S100A13: variants seen among roughly 807,000 people sequenced by gnomAD.
S100A13 encodes protein S100-A13.
Under a neutral mutation model 8.2 loss-of-function variants are expected in S100A13, and 6 were observed. That is an observed-to-expected ratio of 0.73 (90% CI 0.40 to 1.44). The LOEUF (loss-of-function observed/expected upper bound fraction) is 1.44, where lower values mean the gene tolerates loss of function less well. S100A13 is among the 40% of genes most tolerant of loss of function. The pLI is 0.02. For synonymous variants in S100A13, 39 were observed against 45.9 expected (o/e 0.85, Z 0.61); for missense variants, 114 against 113.6 (o/e 1.00, Z -0.02).
chr1:153,630,121 G>A (rs529415179), upstream of S100A13: 1 of 302,246 alleles, frequency 3.3e-6, no homozygotes, highest in African/African-American at 2.1e-5. Flanking sequence ...AAGGTCCAGG[G>A]TAAAAATAGA....
At chr1:153,621,787 G>A (rs1298164446) in intron 2 of S100A13, among the ~76,000 whole-genome samples, 2 of 151,286 alleles carry the variant, frequency 1.3e-5, no homozygotes, top group South Asian at 2.1e-4. Flanking sequence ...GAACCCAAGA[G>A]GTGGAGGTTG....
At chr1:153,630,686 G>C (rs543796518), upstream of S100A13, 10 of 1,612,238 alleles carry the variant, frequency 6.2e-6, no homozygotes, top group African/African-American at 1.2e-4. Context: ...GGTGGAGTGG[G>C]AGTGGAGTGG....
intron 2 of S100A13, among the ~76,000 whole-genome samples, chr1:153,620,450 G>A (rs1195791377): frequency 1.0e-4 from 14 of 135,376 alleles, no homozygotes; most frequent in Non-Finnish European, 1.9e-4. Flanking sequence ...GACAGAGTGA[G>A]ACTATCTAAA....
intron 2 of S100A13, among the ~76,000 whole-genome samples, chr1:153,620,399 T>A (rs146960860): frequency 9.7e-4 from 145 of 149,936 alleles, no homozygotes; most frequent in African/African-American, 3.3e-3. Flanking sequence ...AGGCAGAGGC[T>A]GTAGTGAGCC....
upstream of S100A13, among the ~76,000 whole-genome samples, chr1:153,632,565 T>C (rs1472357054): frequency 6.6e-6 from 1 of 152,072 alleles, no homozygotes; most frequent in East Asian, 1.9e-4. Flanking sequence ...GCCACCGCGC[T>C]AGGCCGAAAG....
At chr1:153,623,299 C>T (rs946190081) in intron 2 of S100A13, among the ~76,000 whole-genome samples, 4 of 151,734 alleles carry the variant, frequency 2.6e-5, no homozygotes, top group South Asian at 2.1e-4. Flanking sequence ...GCCTTAGGGG[C>T]AGTGACGTAT....
intron 2 of S100A13, 114 bp from the exon 3 acceptor site, chr1:153,619,152 G>T: frequency 1.1e-6 from 1 of 936,606 alleles, no homozygotes; most frequent in African/African-American, 1.6e-5. Context: ...GAGAGCAGTG[G>T]CACCTGCCCC....
At chr1:153,621,807 G>A (rs1459695261) in intron 2 of S100A13, among the ~76,000 whole-genome samples, 4 of 151,132 alleles carry the variant, frequency 2.6e-5, no homozygotes, top group Non-Finnish European at 5.9e-5. Context: ...GCAGTGAGCC[G>A]AGATCACACC....
At chr1:153,625,989 G>A (rs1213284342) in intron 2 of S100A13, among the ~76,000 whole-genome samples, 3 of 152,164 alleles carry the variant, frequency 2.0e-5, no homozygotes, top group African/African-American at 7.2e-5. Context: ...CCAACCTGGT[G>A]AAACCCTGTC....
chr1:153,631,529 G>A (rs746374233), upstream of S100A13: 1 of 1,613,756 alleles, frequency 6.2e-7, no homozygotes, highest in Non-Finnish European at 8.5e-7. Flanking sequence ...AGCTTATGCT[G>A]TAGGCAACAG....
chr1:153,619,132 C>T, intron 2 of S100A13, 94 bp from the exon 3 acceptor site: 1 of 1,190,176 alleles, frequency 8.4e-7, no homozygotes, highest in African/African-American at 1.5e-5. Flanking sequence ...CTCTCAAGGC[C>T]CTTCCCTCAG....
chr1:153,633,894 A>T (rs974094329), upstream of S100A13: 1 of 151,888 alleles, frequency 6.6e-6, no homozygotes, highest in African/African-American at 2.4e-5. Flanking sequence ...ACCATTGGCC[A>T]CGCCCCTAGG....
At chr1:153,631,546 T>A (rs1668008561), upstream of S100A13, 5 of 1,613,930 alleles carry the variant, frequency 3.1e-6, no homozygotes, top group Non-Finnish European at 4.2e-6. Context: ...ACAGAAGCCC[T>A]CAAGACCTTT....
chr1:153,619,053 A>C lies in S100A13; in HGVS notation c.154-15T>G, dbSNP rs1222815582. ...GAGCCCACATCCTGAGGAGACACCAAAGGGAAGGGTAGAGTTAGAAACTGG... is the reference window on the plus strand; with the variant it reads ...GAGCCCACATCCTGAGGAGACACCACAGGGAAGGGTAGAGTTAGAAACTGG... On this transcript the variant is annotated splice_polypyrimidine_tract_variant and intron_variant, in intron 2 of 2. Coordinates refer to ENST00000476133, the MANE Select transcript of S100A13 (RefSeq NM_001024211.2). 1.9e-6 allele frequency: 3 copies of C among 1,610,390 alleles called. No homozygotes were observed. The highest frequency in any genetic ancestry group is 2.5e-6 in the Non-Finnish European group (3 of 1,177,744).
At chr1:153,627,928 T>A (rs1481642802), upstream of S100A13, 5 of 1,160,692 alleles carry the variant, frequency 4.3e-6, no homozygotes, top group South Asian at 8.0e-5. Context: ...CCAAGATCCC[T>A]CAGAGAACCC....
At chr1:153,631,517 A>G, upstream of S100A13, 1 of 1,613,386 alleles carries the variant, frequency 6.2e-7, no homozygotes, top group Non-Finnish European at 8.5e-7. Context: ...GCCAGGTGAA[A>G]GAGCTTATGC....
intron 2 of S100A13, among the ~76,000 whole-genome samples, chr1:153,625,128 C>T (rs757471877): frequency 6.6e-6 from 1 of 152,140 alleles, no homozygotes; most frequent in Non-Finnish European, 1.5e-5. Flanking sequence ...GTCCCAGCTA[C>T]TTGTGAGGCT....
chr1:153,628,096 C>A, upstream of S100A13: 1 of 1,550,356 alleles, frequency 6.5e-7, no homozygotes. Context: ...AGACTAAGAC[C>A]CCCTCAGCAG....
At chr1:153,632,259 A>G (rs1668057601), upstream of S100A13, 1 of 150,332 alleles carries the variant, frequency 6.7e-6, no homozygotes, top group Admixed American at 7.2e-5. Context: ...CCAGAGGAAG[A>G]AATAATCTTT....
Sources: allele counts gnomAD v4.1 joint callset (sites outside exome capture counted in the v4.1 genomes callset), GRCh38; gene constraint gnomAD v4.1.1; transcripts MANE v1.5; gene names NCBI Gene and HGNC (gene_info 2026-07-23, HGNC 2026-07-21).